The following LMAN2L variants were observed in gnomAD, a reference collection of about 807,000 sequenced individuals.
LMAN2L encodes the protein VIP36-like protein.
In LMAN2L, 30 loss-of-function variants were observed where a neutral mutation model predicts 44.3. That is an observed-to-expected ratio of 0.68 (90% CI 0.51 to 0.92). LMAN2L has a LOEUF of 0.92. LMAN2L is among the 40% of genes least tolerant of loss of function. The pLI, the probability that LMAN2L is intolerant of heterozygous loss-of-function variation, is 0.00. For missense variants in LMAN2L, 429 were observed against 446.1 expected, an observed-to-expected ratio of 0.96 and a Z score of 0.35; for synonymous variants, 183 against 171.1, an observed-to-expected ratio of 1.07 and a Z score of -0.54.
At chr2:96,735,349 A>G (rs1463006090) in intron 2 of LMAN2L, among the ~76,000 whole-genome samples, 1 of 152,208 alleles carries the variant, frequency 6.6e-6, no homozygotes, top group African/African-American at 2.4e-5. Context: ...CTGGGCAACT[A>G]TTGCTAGATC....
At chr2:96,737,154 G>A (rs1466390182) in intron 2 of LMAN2L, 1 of 456,396 alleles carries the variant, frequency 2.2e-6, no homozygotes, top group South Asian at 1.6e-5. Flanking sequence ...CAAAATCACA[G>A]TGCAGCCACA....
intron 7 of LMAN2L, 110 bp downstream of exon 7, chr2:96,707,604 T>C (rs2077812285): frequency 5.0e-6 from 7 of 1,391,154 alleles, no homozygotes; most frequent in African/African-American, 1.4e-5. Flanking sequence ...AAGTGCTCCC[T>C]ACCCTTCAGA....
chr2:96,733,863 T>C (rs915325572), intron 3 of LMAN2L, among the ~76,000 whole-genome samples: 2 of 152,200 alleles, frequency 1.3e-5, no homozygotes, highest in Non-Finnish European at 2.9e-5. Context: ...GGCAGCTTCC[T>C]GATCCAAACT....
At chr2:96,720,903 C>T (rs892721709) in intron 4 of LMAN2L, among the ~76,000 whole-genome samples, 4 of 152,096 alleles carry the variant, frequency 2.6e-5, no homozygotes, top group Non-Finnish European at 5.9e-5. Context: ...CACGCCACTG[C>T]ACTCCAACCT....
intron 4 of LMAN2L, among the ~76,000 whole-genome samples, chr2:96,714,886 G>C (rs969230593): frequency 6.6e-6 from 1 of 152,166 alleles, no homozygotes; most frequent in Non-Finnish European, 1.5e-5. Flanking sequence ...CGTATACATG[G>C]GTCCCTCAGT....
chr2:96,710,586 T>C (rs1401411309), intron 6 of LMAN2L, among the ~76,000 whole-genome samples: 3 of 151,918 alleles, frequency 2.0e-5, no homozygotes, highest in Non-Finnish European at 2.9e-5. Flanking sequence ...ATCGCTTGAA[T>C]ACAGGAGGTG....
Position 96,707,152 on chromosome 2 carries a change from G to T in LMAN2L, c.*104C>A. On this transcript the variant is annotated 3_prime_UTR_variant, in exon 8 of 8. Transcript: ENST00000264963. ...AGTGACAGAATATAGTCCCCAACCA[G>T]CTGCTAGAGACAAGAACACTCTCCA... The T allele has an allele frequency of 2.7e-6, 3 of 1,118,364 alleles. No homozygotes were observed. The highest frequency in any genetic ancestry group is 1.3e-6 in the Non-Finnish European group (1 of 779,318). 69.3% of individuals were successfully genotyped at this position (1,118,364 alleles called of 1,614,324 possible).
rs539543152 is a variant in LMAN2L at position 96,715,505 on chromosome 2, A to G, written c.508-3480T>C. On this transcript the variant is annotated intron_variant, in intron 4 of 7. Coordinates refer to ENST00000264963, the MANE Select transcript of LMAN2L (RefSeq NM_030805.4). ...GGAGCAATTTTGTTTTTCCCCTAGA[A>G]AGCACTCTGTAAGTTAGAACCAAAG... Among the ~76,000 whole-genome samples, 4 of 152,322 alleles carry G rather than the reference A, an allele frequency of 2.6e-5. No individual in the cohort carries two copies. The East Asian group carries it at 7.7e-4, about 29-fold the overall frequency.
intron 4 of LMAN2L, among the ~76,000 whole-genome samples, chr2:96,732,115 A>C (rs1403687868): frequency 6.6e-6 from 1 of 151,986 alleles, no homozygotes; most frequent in Non-Finnish European, 1.5e-5. Context: ...GGCCTCCCAA[A>C]GTGCTGGGAT....
At chr2:96,732,926 T>A (rs1403121516) in intron 4 of LMAN2L, among the ~76,000 whole-genome samples, 1 of 151,974 alleles carries the variant, frequency 6.6e-6, no homozygotes, top group African/African-American at 2.4e-5. Flanking sequence ...TTTTTATATA[T>A]TTAGTAGAGA....
rs374083188 is a variant in LMAN2L at position 96,707,266 on chromosome 2, C to A, written c.1037G>T (p.Arg346Leu). The A allele has an allele frequency of 6.2e-7, 1 of 1,613,950 alleles. No homozygotes were observed. Among genetic ancestry groups the A allele is most frequent in the East Asian group, 2.2e-5 (1 of 44,878 alleles). Residue 346 changes from arginine to leucine, a missense_variant, in exon 8 of 8, where the codon CGC (arginine) becomes CTC (leucine). Physicochemically the swap from Arg to Leu is moderately radical, Grantham distance 102. Transcript: ENST00000264963. Reference protein sequence around the residue: ...YNKWQEQSRKRFY With the variant: ...YNKWQEQSRKLFY ...TGGCAGCAGGAGGGCTCAGTAGAAG[C>A]GCTTTCGGCTCTGTTCCTGCCATTT...
intron 4 of LMAN2L, among the ~76,000 whole-genome samples, chr2:96,733,136 T>C (rs1049909483): frequency 2.0e-5 from 3 of 152,184 alleles, no homozygotes; most frequent in African/African-American, 7.2e-5. Flanking sequence ...TGTGTGCAAG[T>C]TGCAGAAGAG....
intron 4 of LMAN2L, among the ~76,000 whole-genome samples, chr2:96,719,503 C>T (rs2078106038): frequency 6.6e-6 from 1 of 151,918 alleles, no homozygotes; most frequent in Non-Finnish European, 1.5e-5. Context: ...AATCCTAGCA[C>T]TTCGGGAGGC....
Position 96,706,500 on chromosome 2 carries a change from T to G in LMAN2L, c.*756A>C, listed in dbSNP as rs2077783412. 1 of 152,190 alleles carries G rather than the reference T, an allele frequency of 6.6e-6. No individual in the cohort carries two copies. The highest frequency in any genetic ancestry group is 1.5e-5 in the Non-Finnish European group (1 of 68,040). 9.4% of individuals were successfully genotyped at this position (152,190 alleles called of 1,614,324 possible). ...CTTCTCTTGATTTTTACACCAACCT[T>G]TAGCCAAACTTCACTGAGGGCCTGA... On this transcript the variant is annotated 3_prime_UTR_variant, in exon 8 of 8. Transcript: ENST00000264963.
At chr2:96,718,119 C>T (rs2078079064) in intron 4 of LMAN2L, among the ~76,000 whole-genome samples, 2 of 152,070 alleles carry the variant, frequency 1.3e-5, no homozygotes, top group Admixed American at 1.3e-4. Context: ...CCAAGCCCGG[C>T]TAATTTTTGT....
intron 2 of LMAN2L, among the ~76,000 whole-genome samples, chr2:96,736,450 G>A (rs1279904272): frequency 1.3e-5 from 2 of 152,138 alleles, no homozygotes; most frequent in East Asian, 3.9e-4. Context: ...AGTCGAAAAA[G>A]GGAAGAACTA....
chr2:96,721,936 G>T (rs1206714456), intron 4 of LMAN2L, among the ~76,000 whole-genome samples: 2 of 152,118 alleles, frequency 1.3e-5, no homozygotes, highest in Non-Finnish European at 1.5e-5. Flanking sequence ...GTGGTTTCGG[G>T]ATGATTCAAG....
intron 4 of LMAN2L, among the ~76,000 whole-genome samples, chr2:96,724,976 C>T (rs963247709): frequency 3.9e-5 from 6 of 152,158 alleles, no homozygotes; most frequent in Admixed American, 1.3e-4. Context: ...GGACTACAGG[C>T]GCCGCCACCA....
intron 2 of LMAN2L, 70 bp downstream of exon 2, chr2:96,737,879 A>G: frequency 2.3e-6 from 2 of 858,500 alleles, no homozygotes; most frequent in Non-Finnish European, 4.0e-6. Context: ...GTAAAATTAA[A>G]TCAGTATGCC....
Sources: allele counts gnomAD v4.1 joint callset (sites outside exome capture counted in the v4.1 genomes callset), GRCh38; gene constraint gnomAD v4.1.1; transcripts MANE v1.5; gene names NCBI Gene and HGNC (gene_info 2026-07-23, HGNC 2026-07-21).